DOCK8: variants seen among roughly 807,000 people sequenced by gnomAD.
The protein encoded by DOCK8 is dedicator of cytokinesis protein 8.
Under a neutral mutation model 245.6 loss-of-function variants are expected in DOCK8, and 141 were observed. The ratio of observed to expected loss-of-function variants is 0.57; its 90% CI spans 0.50 to 0.66. DOCK8 has a LOEUF of 0.66. Among genes scored for constraint, DOCK8 ranks in the 30% least tolerant of loss-of-function variants. The pLI is 0.00. For missense variants in DOCK8, 2,965 were observed against 2,603.4 expected, an observed-to-expected ratio of 1.14 and a Z score of -3.02; for synonymous variants, 1,168 against 970.2, an observed-to-expected ratio of 1.20 and a Z score of -3.79.
intron 1 of DOCK8, among the ~76,000 whole-genome samples, chr9:264,203 G>A (rs1401042528): frequency 6.6e-6 from 1 of 152,208 alleles, no homozygotes; most frequent in Non-Finnish European, 1.5e-5. Flanking sequence ...ATATCAAGAA[G>A]GAAACTTATA....
intron 1 of DOCK8, among the ~76,000 whole-genome samples, chr9:221,802 A>T (rs1306233899): frequency 6.6e-6 from 1 of 151,940 alleles, no homozygotes; most frequent in Non-Finnish European, 1.5e-5. Context: ...AGCCTGGGTG[A>T]CAGAGTGAGA....
At chr9:298,685 A>T (rs1186847407) in intron 4 of DOCK8, among the ~76,000 whole-genome samples, 2 of 150,892 alleles carry the variant, frequency 1.3e-5, no homozygotes, top group Non-Finnish European at 2.9e-5. Context: ...TTCCTTTGTA[A>T]GTAAACACTC....
chr9:325,384 A>G (rs1299131594), intron 7 of DOCK8, among the ~76,000 whole-genome samples: 8 of 152,220 alleles, frequency 5.3e-5, no homozygotes, highest in Non-Finnish European at 1.2e-4. Context: ...CTAAAGGTCC[A>G]TTCAGCCCAC....
chr9:215,548 C>T (rs2046730686), intron 1 of DOCK8: 1 of 1,118,880 alleles, frequency 8.9e-7, no homozygotes, highest in Non-Finnish European at 1.2e-6. Flanking sequence ...AAGAGCTTGG[C>T]TCCTGGTGGC....
At chr9:314,800 A>C (rs898347011) in intron 6 of DOCK8, among the ~76,000 whole-genome samples, 2 of 120,846 alleles carry the variant, frequency 1.7e-5, no homozygotes, top group South Asian at 4.8e-4. Context: ...TCGATGACAC[A>C]ATCAGATTTT....
chr9:253,796 T>G (rs751428421), intron 1 of DOCK8, among the ~76,000 whole-genome samples: 9 of 152,168 alleles, frequency 5.9e-5, no homozygotes, highest in Non-Finnish European at 1.2e-4. Context: ...AAAATCTTAT[T>G]CCTGTTAATT....
At chr9:415,188 CATTT>C (rs2055935343) in intron 29 of DOCK8, among the ~76,000 whole-genome samples, 1 of 152,172 alleles carries the variant, frequency 6.6e-6, no homozygotes, top group Non-Finnish European at 1.5e-5. Context: ...TTCATTCATT[CATTT>C]ATTCATTCAT....
intron 24 of DOCK8, among the ~76,000 whole-genome samples, chr9:391,457 T>A (rs970251868): frequency 1.3e-4 from 20 of 152,166 alleles, no homozygotes; most frequent in Non-Finnish European, 2.5e-4. Context: ...GAAAACAGAA[T>A]GAAATTTGTA....
chr9:307,578 G>A (rs202045976), intron 5 of DOCK8, among the ~76,000 whole-genome samples: 2 of 151,768 alleles, frequency 1.3e-5, no homozygotes, highest in South Asian at 2.1e-4. Flanking sequence ...GGCTGATCTC[G>A]AACTCCTGAC....
At chr9:401,081 A>AC (rs71314708) in intron 26 of DOCK8, among the ~76,000 whole-genome samples, 132,700 of 135,626 alleles carry the variant, frequency 0.98, 64,943 homozygotes, top group African/African-American at 0.99. Context: ...CATCACCACC[A>AC]CCACCTCCAC....
chr9:449,687 T>C (rs1365324987), intron 44 of DOCK8, 97 bp from the exon 45 acceptor site: 2 of 1,512,454 alleles, frequency 1.3e-6, no homozygotes, highest in African/African-American at 2.8e-5. Flanking sequence ...CCTAGCTGCC[T>C]CTTCAAATTC....
Position 312,135 on chromosome 9 carries a change from A to T in DOCK8, c.710A>T (p.Glu237Val), listed in dbSNP as rs759455366. The part of the protein sequence containing the change: ...EEARRTNRQA[E>V]LFALYPSVDE... ...GCCCGGAGGACCAATAGGCAGGCCG[A>T]GCTCTTTGCCCTTTACCCATCAGTG... Residue 237 changes from glutamate (E) to valine (V), a missense_variant, in exon 6 of 48, where the codon GAG becomes GTG. By Grantham distance (121) the Glu-to-Val change is moderately radical (BLOSUM62 -2). This residue lies in a region of DOCK8 where 2,825 missense variants were observed against 2,453.5 expected (regional missense o/e 1.15). Coordinates refer to ENST00000432829, the MANE Select transcript of DOCK8 (RefSeq NM_203447.4). 6.2e-7 allele frequency: 1 copy of T among 1,614,240 alleles called. No homozygotes were observed. Among genetic ancestry groups the T allele is most frequent in the South Asian group, 1.1e-5 (1 of 91,082 alleles).
At chr9:412,565 G>A (rs2055790122) in intron 28 of DOCK8, among the ~76,000 whole-genome samples, 2 of 152,086 alleles carry the variant, frequency 1.3e-5, no homozygotes, top group African/African-American at 4.8e-5. Context: ...ATTCAGCAGT[G>A]TTGCATGGTA....
At chr9:411,278 T>G (rs1262459056) in intron 28 of DOCK8, among the ~76,000 whole-genome samples, 1 of 152,028 alleles carries the variant, frequency 6.6e-6, no homozygotes, top group Non-Finnish European at 1.5e-5. Context: ...CTGGGTGTGG[T>G]GGCGGGAACC....
At chr9:250,114 C>T (rs1012825846) in intron 1 of DOCK8, among the ~76,000 whole-genome samples, 5 of 152,118 alleles carry the variant, frequency 3.3e-5, no homozygotes, top group Admixed American at 2.0e-4. Context: ...TTTAAGTTGT[C>T]ATTATGTCCT....
At chr9:326,145 C>T (rs2050757959) in intron 8 of DOCK8, among the ~76,000 whole-genome samples, 1 of 152,204 alleles carries the variant, frequency 6.6e-6, no homozygotes. Context: ...CAATTTGTCA[C>T]AGAGTTCAGA....
At chr9:362,891 C>T (rs1019014839) in intron 14 of DOCK8, among the ~76,000 whole-genome samples, 1 of 152,158 alleles carries the variant, frequency 6.6e-6, no homozygotes, top group Non-Finnish European at 1.5e-5. Flanking sequence ...ATTTCAAGGT[C>T]CCTTGGTTAA....
intron 4 of DOCK8, among the ~76,000 whole-genome samples, chr9:297,280 C>T (rs1272752759): frequency 6.6e-6 from 1 of 152,132 alleles, no homozygotes; most frequent in African/African-American, 2.4e-5. Context: ...GGCACTTGCC[C>T]AAGGTCTCTT....
At chr9:361,220 A>G (rs1267704447) in intron 14 of DOCK8, among the ~76,000 whole-genome samples, 1 of 152,144 alleles carries the variant, frequency 6.6e-6, no homozygotes, top group Non-Finnish European at 1.5e-5. Flanking sequence ...TCAGAGAGAC[A>G]TAGAGACTGG....
Sources: gnomAD v4.1 joint callset for allele counts (sites outside exome capture counted in the v4.1 genomes callset) on GRCh38, gnomAD v4.1.1 for gene constraint, gnomAD v4.1.1 regional missense constraint, MANE v1.5 for transcripts, NCBI Gene and HGNC (gene_info 2026-07-23, HGNC 2026-07-21) for gene names.